Variants in MYRIP observed in about 807,000 individuals in gnomAD.
MYRIP encodes the protein rab effector MyRIP.
MYRIP carries 49 observed loss-of-function variants against 98.0 expected under a neutral mutation model. That is an observed-to-expected ratio of 0.50 (90% CI 0.40 to 0.63). The LOEUF (loss-of-function observed/expected upper bound fraction) is 0.63. Ranked by LOEUF, MYRIP falls within the 30% of genes least tolerant of loss-of-function variation. MYRIP has a pLI of 0.00. For synonymous variants in MYRIP, 404 were observed against 409.5 expected, an observed-to-expected ratio of 0.99 and a Z score of 0.16; for missense variants, 1,004 against 1,058.2, an observed-to-expected ratio of 0.95 and a Z score of 0.71.
At chr3:40,204,132 TA>T (rs1951709876) in intron 10 of MYRIP, among the ~76,000 whole-genome samples, 1 of 37,520 alleles carries the variant, frequency 2.7e-5, no homozygotes, top group Non-Finnish European at 5.3e-5. Flanking sequence ...GAGTATTATA[TA>T]ATATATTATA....
chr3:40,218,612 TTATATATATATATATATATATATA>T (rs751894190), intron 11 of MYRIP, among the ~76,000 whole-genome samples: 7 of 13,566 alleles, frequency 5.2e-4, no homozygotes, highest in African/African-American at 7.5e-4. Context: ...TATATATATT[TTATATATATATATATATATATATA>T]TATATATATA....
chr3:40,245,348 C>A (rs1953156798), intron 13 of MYRIP, among the ~76,000 whole-genome samples: 2 of 151,992 alleles, frequency 1.3e-5, no homozygotes, highest in South Asian at 2.1e-4. Context: ...CAATTTTTTT[C>A]TTTAAAAGGG....
chr3:39,818,583 C>T (rs1404913599), intron 1 of MYRIP, among the ~76,000 whole-genome samples: 1 of 151,776 alleles, frequency 6.6e-6, no homozygotes, highest in Non-Finnish European at 1.5e-5. Context: ...TACTAAATAC[C>T]TTTCCATCAT....
chr3:39,955,722 C>T (rs1945139519), intron 2 of MYRIP, among the ~76,000 whole-genome samples: 1 of 152,134 alleles, frequency 6.6e-6, no homozygotes, highest in Non-Finnish European at 1.5e-5. Flanking sequence ...AATTAAAAGA[C>T]ACAGACTGGC....
intron 3 of MYRIP, among the ~76,000 whole-genome samples, chr3:40,083,794 C>A (rs890209235): frequency 1.3e-5 from 2 of 152,034 alleles, no homozygotes; most frequent in African/African-American, 4.8e-5. Context: ...GCATGGTCAA[C>A]TGTGAATTCC....
intron 2 of MYRIP, among the ~76,000 whole-genome samples, chr3:39,959,124 C>T (rs1265396865): frequency 5.3e-5 from 8 of 152,170 alleles, no homozygotes; most frequent in Admixed American, 5.2e-4. Context: ...TGTGGCGATT[C>T]CTCAAGGACC....
intron 11 of MYRIP, among the ~76,000 whole-genome samples, chr3:40,221,638 G>A (rs947536094): frequency 6.6e-6 from 1 of 152,128 alleles, no homozygotes. Context: ...ATCAAGAAAC[G>A]AAAAGAATGA....
chr3:40,179,267 G>GA (rs1179022853), intron 8 of MYRIP, among the ~76,000 whole-genome samples: 1 of 152,210 alleles, frequency 6.6e-6, no homozygotes, highest in Non-Finnish European at 1.5e-5. Flanking sequence ...ACCTGTTGGA[G>GA]ACAGCTCTGC....
chr3:40,168,153 C>A (rs1439096303), intron 7 of MYRIP, among the ~76,000 whole-genome samples: 7 of 152,208 alleles, frequency 4.6e-5, no homozygotes, highest in Non-Finnish European at 8.8e-5. Flanking sequence ...CCTTGAATCA[C>A]CTTGTTAGTG....
chr3:40,140,724 CA>C (rs1949874610), intron 3 of MYRIP, among the ~76,000 whole-genome samples: 1 of 151,964 alleles, frequency 6.6e-6, no homozygotes, highest in Non-Finnish European at 1.5e-5. Context: ...GTAATTTGAA[CA>C]TTTTTTCACA....
chr3:39,951,076 G>A (rs1382483672), intron 2 of MYRIP, among the ~76,000 whole-genome samples: 1 of 152,134 alleles, frequency 6.6e-6, no homozygotes, highest in African/African-American at 2.4e-5. Context: ...TTCTCTTCAG[G>A]AGACAGAACA....
intron 1 of MYRIP, among the ~76,000 whole-genome samples, chr3:39,822,045 C>A (rs948415518): frequency 3.3e-5 from 5 of 152,070 alleles, no homozygotes; most frequent in Non-Finnish European, 5.9e-5. Context: ...TCATCTTGTG[C>A]TTTCCTTTTG....
chr3:40,001,227 T>G (rs2125785610), intron 2 of MYRIP, among the ~76,000 whole-genome samples: 1 of 152,252 alleles, frequency 6.6e-6, no homozygotes, highest in South Asian at 2.1e-4. Context: ...AGTAATAAAG[T>G]TGATATATAC....
intron 2 of MYRIP, among the ~76,000 whole-genome samples, chr3:39,915,676 T>A (rs1421047125): frequency 1.3e-5 from 2 of 151,656 alleles, no homozygotes; most frequent in African/African-American, 4.8e-5. Context: ...AGACATAGAC[T>A]CTTAAATTCA....
intron 2 of MYRIP, among the ~76,000 whole-genome samples, chr3:40,021,463 G>A (rs905558266): frequency 6.6e-6 from 1 of 152,210 alleles, no homozygotes; most frequent in African/African-American, 2.4e-5. Context: ...CAGAAAATGT[G>A]TGATGATCTG....
At chr3:40,126,599 G>A (rs548468139) in intron 3 of MYRIP, among the ~76,000 whole-genome samples, 29 of 152,168 alleles carry the variant, frequency 1.9e-4, no homozygotes, top group Non-Finnish European at 2.6e-4. Flanking sequence ...ATTTATTCTC[G>A]TCATTTGTAT....
At chr3:40,061,489 G>A (rs1464672594) in intron 3 of MYRIP, among the ~76,000 whole-genome samples, 3 of 152,192 alleles carry the variant, frequency 2.0e-5, no homozygotes, top group Admixed American at 1.3e-4. Context: ...TGTCATTGAT[G>A]GGCATTTAAG....
chr3:40,194,955 T>A (rs1330387064), intron 10 of MYRIP, among the ~76,000 whole-genome samples: 1 of 152,240 alleles, frequency 6.6e-6, no homozygotes, highest in Admixed American at 6.5e-5. Flanking sequence ...TGGGTGATCA[T>A]CTTAGCTATT....
At chr3:40,077,213 T>A (rs2125865211) in intron 3 of MYRIP, among the ~76,000 whole-genome samples, 1 of 151,750 alleles carries the variant, frequency 6.6e-6, no homozygotes, top group East Asian at 1.9e-4. Flanking sequence ...ACCCAAAGAG[T>A]GAGCAGTAGC....
Sources: allele counts gnomAD v4.1 joint callset (sites outside exome capture counted in the v4.1 genomes callset), GRCh38; gene constraint gnomAD v4.1.1; transcripts MANE v1.5; gene names NCBI Gene and HGNC (gene_info 2026-07-23, HGNC 2026-07-21).